The following SAMHD1 variants were observed in gnomAD, a reference collection of about 807,000 sequenced individuals.
The protein encoded by SAMHD1 is SAM and HD domain containing deoxynucleoside triphosphate triphosphohydrolase 1.
In SAMHD1, 54 loss-of-function variants were observed where a neutral mutation model predicts 79.6. The ratio of observed to expected loss-of-function variants is 0.68; its 90% CI spans 0.55 to 0.85. The LOEUF is 0.85. Ranked by LOEUF, SAMHD1 falls within the 40% of genes least tolerant of loss-of-function variation. The pLI is 0.00. For missense variants in SAMHD1, 663 were observed against 782.7 expected (o/e 0.85, Z 1.82); for synonymous variants, 260 against 264.1 (o/e 0.98, Z 0.15).
rs1064797283 is a variant in SAMHD1, at chr20:36,935,153, G to C, written c.385C>G (p.His129Asp). The C allele has an allele frequency of 6.2e-7, 1 of 1,613,654 alleles. No homozygotes were observed. Among genetic ancestry groups the C allele is most frequent in the Non-Finnish European group, 8.5e-7 (1 of 1,179,574 alleles). Reference sequence around the variant, plus strand: ...TCAATGATTCGGACGAGGAGAGGGTGGAGCTCAATGTGGCCATGGATAGGA... The same window carrying C: ...TCAATGATTCGGACGAGGAGAGGGTCGAGCTCAATGTGGCCATGGATAGGA... ...NDPIHGHIEL[H>D]PLLVRIIDTP... Residue 129 changes from histidine (H) to aspartate (D), a missense_variant, in exon 4 of 16, where the codon CAC (histidine) becomes GAC (aspartate). Transcript: ENST00000646673.
At chr20:36,912,758 T>C (rs913979002) in intron 9 of SAMHD1, among the ~76,000 whole-genome samples, 3 of 89,418 alleles carry the variant, frequency 3.4e-5, no homozygotes, top group Non-Finnish European at 6.2e-5. Context: ...TTCATTTTTT[T>C]TTTTTTTTTT....
intron 3 of SAMHD1, chr20:36,935,489 C>A: frequency 2.6e-6 from 1 of 389,192 alleles, no homozygotes; most frequent in Non-Finnish European, 4.8e-6. Flanking sequence ...GTCTTGTATT[C>A]AAGTTAAACA....
chr20:36,894,036 GC>G (rs1316030207), intron 15 of SAMHD1: 3 of 397,298 alleles, frequency 7.6e-6, no homozygotes, highest in Non-Finnish European at 8.9e-6. Context: ...TTTGCAGGTG[GC>G]CCCAGCTCCT....
At chr20:36,931,959 G>A (rs1018695684) in intron 4 of SAMHD1, among the ~76,000 whole-genome samples, 2 of 152,002 alleles carry the variant, frequency 1.3e-5, no homozygotes, top group African/African-American at 4.8e-5. Context: ...ACTAAGATGA[G>A]GTACCTAGAG....
chr20:36,898,077 G>A, intron 14 of SAMHD1, 118 bp from the exon 15 acceptor site: 1 of 1,288,610 alleles, frequency 7.8e-7, no homozygotes, highest in East Asian at 2.3e-5. Context: ...TGTCACCCAG[G>A]CTGGAGTGCA....
chr20:36,899,220 G>C (rs184547886), intron 13 of SAMHD1, among the ~76,000 whole-genome samples: 10 of 149,990 alleles, frequency 6.7e-5, no homozygotes, highest in African/African-American at 2.0e-4. Flanking sequence ...AGACCACCCT[G>C]GTCAACATGG....
chr20:36,950,955 C>A, intron 1 of SAMHD1, among the ~76,000 whole-genome samples: 1 of 152,124 alleles, frequency 6.6e-6, no homozygotes, highest in East Asian at 1.9e-4. Flanking sequence ...GGAGGGGTCC[C>A]GCGAGCCTGG....
chr20:36,893,988 C>T (rs576096121), intron 15 of SAMHD1: 62 of 398,562 alleles, frequency 1.6e-4, no homozygotes, highest in Admixed American at 4.4e-4. Flanking sequence ...TCCTCTGGCA[C>T]GAGCGGCAGT....
At chr20:36,946,082 A>G (rs977432269) in intron 2 of SAMHD1, among the ~76,000 whole-genome samples, 1 of 152,002 alleles carries the variant, frequency 6.6e-6, no homozygotes, top group Non-Finnish European at 1.5e-5. Flanking sequence ...CAAGAGTTCA[A>G]GACCAGTCTG....
At chr20:36,903,114 CTGA>C (rs2063384264) in intron 13 of SAMHD1, among the ~76,000 whole-genome samples, 1 of 152,118 alleles carries the variant, frequency 6.6e-6, no homozygotes, top group African/African-American at 2.4e-5. Context: ...ACTAGAGGGC[CTGA>C]TGAGCTAGGA....
At chr20:36,927,398 A>ATC (rs1053930380) in intron 5 of SAMHD1, 146 bp from the exon 6 acceptor site, 11 of 685,660 alleles carry the variant, frequency 1.6e-5, no homozygotes, top group Non-Finnish European at 2.3e-5. Flanking sequence ...GCTCAACACA[A>ATC]TCTCCGCCCC....
chr20:36,913,870 C>T (rs751302671), intron 9 of SAMHD1, among the ~76,000 whole-genome samples: 7 of 151,276 alleles, frequency 4.6e-5, no homozygotes, highest in Non-Finnish European at 8.8e-5. Context: ...TCTCGTACCT[C>T]ATCCTCCTGA....
Position 36,898,486 on chromosome 20 carries a change from T to C in SAMHD1, c.1562A>G (p.Tyr521Cys), listed in dbSNP as rs1335492611. 4 of 1,613,942 alleles carry C rather than the reference T, an allele frequency of 2.5e-6. No homozygotes were observed. Among genetic ancestry groups the C allele is most frequent in the Non-Finnish European group, 3.4e-6 (4 of 1,180,002 alleles). Residue 521 changes from tyrosine (Y) to cysteine (C), a missense_variant, in exon 14 of 16, where the codon TAT becomes TGT. Transcript: ENST00000646673. ...TGCTCTGTTGGGGGCAGTCTTACAA[T>C]AGAAGCTAACATGATCAATTGGATT... ...EKNPIDHVSFYCKTAPNRAIR... is the reference protein window; with the variant it reads ...EKNPIDHVSFCCKTAPNRAIR...
In SAMHD1 at chr20:36,893,096, T is replaced by C. The variant is rs368771802; in HGVS notation, c.1747-30A>G. On this transcript the variant is annotated intron_variant, in intron 15 of 15. Transcript: ENST00000646673. Reference sequence around the variant, plus strand: ...TAGGAAGAGAGAGAAAAACAGGCAATAGAGAAAAGCCAGTTTCCATCATCT... The same window carrying C: ...TAGGAAGAGAGAGAAAAACAGGCAACAGAGAAAAGCCAGTTTCCATCATCT... 2.1e-5 allele frequency: 34 copies of C among 1,609,648 alleles called. 1 individual carries two copies. The African/African-American group carries it at 4.1e-4, about 20-fold the overall frequency.
chr20:36,899,218 C>T (rs1399725546), intron 13 of SAMHD1, among the ~76,000 whole-genome samples: 1 of 150,350 alleles, frequency 6.7e-6, no homozygotes, highest in Non-Finnish European at 1.5e-5. Flanking sequence ...CGAGACCACC[C>T]TGGTCAACAT....
At chr20:36,941,672 T>C (rs1264205049) in intron 2 of SAMHD1, among the ~76,000 whole-genome samples, 1 of 152,098 alleles carries the variant, frequency 6.6e-6, no homozygotes, top group African/African-American at 2.4e-5. Flanking sequence ...GCCCAGCATA[T>C]CATCCTCCCT....
intron 15 of SAMHD1, among the ~76,000 whole-genome samples, chr20:36,894,465 T>TCGTGATCCGCCCACCTCGGC (rs1990160131): frequency 1.3e-5 from 2 of 152,096 alleles, no homozygotes; most frequent in Non-Finnish European, 2.9e-5. Flanking sequence ...ACTCCTGACC[T>TCGTGATCCGCCCACCTCGGC]CAGTAAAGGC....
intron 6 of SAMHD1, among the ~76,000 whole-genome samples, chr20:36,920,293 T>G (rs1486160409): frequency 6.6e-6 from 1 of 152,078 alleles, no homozygotes; most frequent in Non-Finnish European, 1.5e-5. Context: ...TTTTAGATTT[T>G]TTTGTAGAGG....
Position 36,951,680 on chromosome 20 carries a change from T to C in SAMHD1, c.-37A>G. 5 of 1,610,492 alleles carry C rather than the reference T, an allele frequency of 3.1e-6. No homozygotes were observed. Among genetic ancestry groups the C allele is most frequent in the Non-Finnish European group, 4.2e-6 (5 of 1,179,818 alleles). On this transcript the variant is annotated 5_prime_UTR_variant, in exon 1 of 16. Coordinates refer to ENST00000646673, the MANE Select transcript of SAMHD1 (RefSeq NM_015474.4). ...GCGTCCGGCACAGCAGTCAAGAACC[T>C]CGGCGCCGGACCCGCGCGCAGGCGC...
Sources: allele counts gnomAD v4.1 joint callset (sites outside exome capture counted in the v4.1 genomes callset), GRCh38; gene constraint gnomAD v4.1.1; transcripts MANE v1.5; gene names NCBI Gene and HGNC (gene_info 2026-07-23, HGNC 2026-07-21).